The following ELOVL2 variants were observed in gnomAD, a reference collection of about 807,000 sequenced individuals.
ELOVL2 encodes very long chain fatty acid elongase 2.
Under a neutral mutation model 37.7 loss-of-function variants are expected in ELOVL2, and 38 were observed. That is an observed-to-expected ratio of 1.01 (90% CI 0.78 to 1.32). The LOEUF (loss-of-function observed/expected upper bound fraction) is 1.32, where lower values mean the gene tolerates loss of function less well. ELOVL2 is among the 40% of genes most tolerant of loss of function. The pLI, the probability that ELOVL2 is intolerant of heterozygous loss-of-function variation, is 0.00. For synonymous variants in ELOVL2, 115 were observed against 122.3 expected (o/e 0.94, Z 0.40); for missense variants, 352 against 363.6 (o/e 0.97, Z 0.26).
intron 1 of ELOVL2, among the ~76,000 whole-genome samples, chr6:11,023,334 T>C (rs1368802130): frequency 1.2e-4 from 18 of 152,230 alleles, no homozygotes; most frequent in Non-Finnish European, 5.9e-5. Context: ...GGAAGCAGGT[T>C]GGCTATTCTG....
intron 3 of ELOVL2, among the ~76,000 whole-genome samples, chr6:11,002,735 C>T (rs1782412034): frequency 6.6e-6 from 1 of 152,234 alleles, no homozygotes; most frequent in African/African-American, 2.4e-5. Context: ...TACTGTTCAA[C>T]TAGCACTTTA....
At chr6:11,006,589 C>T (rs990593249) in intron 2 of ELOVL2, among the ~76,000 whole-genome samples, 1 of 152,210 alleles carries the variant, frequency 6.6e-6, no homozygotes, top group African/African-American at 2.4e-5. Flanking sequence ...CTTTCTGGTG[C>T]ATCCTACCCT....
intron 2 of ELOVL2, among the ~76,000 whole-genome samples, chr6:11,009,209 A>T (rs1389485174): frequency 1.3e-5 from 2 of 152,218 alleles, no homozygotes; most frequent in Admixed American, 6.5e-5. Flanking sequence ...ACAAGGGTTG[A>T]AACAGAATGA....
chr6:10,983,785 T>C lies in ELOVL2; in HGVS notation c.887A>G (p.Gln296Arg). Residue 296 changes from glutamine (Q) to arginine (R), a missense_variant, in exon 8 of 8, where the codon CAA (glutamine) becomes CGA (arginine). Gln to Arg is a conservative substitution (Grantham distance 43, BLOSUM62 1). Transcript: ENST00000354666. Reference sequence around the variant, plus strand: ...TGCTTTTTCTGTTACTCATTTTTATTGTGCTTTCTTGTTCATCACTCCATT... The same window carrying C: ...TGCTTTTTCTGTTACTCATTTTTATCGTGCTTTCTTGTTCATCACTCCATT... ...AANGVMNKKA[Q>R] 6.2e-7 allele frequency: 1 copy of C among 1,603,428 alleles called. No homozygotes were observed. The highest frequency in any genetic ancestry group is 8.5e-7 in the Non-Finnish European group (1 of 1,176,994).
Position 11,044,156 on chromosome 6 carries a change from C to A in ELOVL2, c.3+72G>T. On this transcript the variant is annotated intron_variant, in intron 1 of 7. Coordinates refer to ENST00000354666, the MANE Select transcript of ELOVL2 (RefSeq NM_017770.4). This position sits in a 1 kb window ranked among gnomAD's most constrained non-coding sequence, Gnocchi z 5.6. ...CGCGCCGGCGCCCGCTCGGCCCTTTCCCGCCCGGTGCGTGGGTCCAGGAGA... is the reference window on the plus strand; with the variant it reads ...CGCGCCGGCGCCCGCTCGGCCCTTTACCGCCCGGTGCGTGGGTCCAGGAGA... The A allele has an allele frequency of 7.0e-7, 1 of 1,426,188 alleles. No individual in the cohort carries two copies. Among genetic ancestry groups the A allele is most frequent in the Non-Finnish European group, 9.2e-7 (1 of 1,085,884 alleles). The allele number at this position is 1,426,188 out of a possible 1,614,324, so 88.3% of individuals were successfully genotyped here. A position where few individuals can be genotyped will look rare whatever the true frequency, so the allele number is the denominator to read the frequency against.
intron 1 of ELOVL2, among the ~76,000 whole-genome samples, chr6:11,021,241 T>C (rs575341844): frequency 5.6e-4 from 86 of 152,226 alleles, no homozygotes; most frequent in Non-Finnish European, 8.7e-4. Flanking sequence ...CATGTGTTCT[T>C]CCCTCTGCCT....
At chr6:11,001,311 G>A (rs1782376279) in intron 3 of ELOVL2, among the ~76,000 whole-genome samples, 2 of 152,082 alleles carry the variant, frequency 1.3e-5, no homozygotes, top group Non-Finnish European at 1.5e-5. Context: ...ATATAAATAA[G>A]TCCAGTGAAA....
intron 1 of ELOVL2, among the ~76,000 whole-genome samples, chr6:11,036,126 A>T (rs1783001381): frequency 6.6e-6 from 1 of 152,250 alleles, no homozygotes; most frequent in Non-Finnish European, 1.5e-5. Context: ...TACTGATGAG[A>T]TTAGTGTTAC....
At chr6:11,007,604 C>G (rs1782501745) in intron 2 of ELOVL2, among the ~76,000 whole-genome samples, 1 of 152,198 alleles carries the variant, frequency 6.6e-6, no homozygotes, top group Admixed American at 6.5e-5. Flanking sequence ...GAATACATTT[C>G]TGCTATTTAA....
chr6:10,997,533 C>G (rs1488613196), intron 4 of ELOVL2, among the ~76,000 whole-genome samples: 1 of 152,156 alleles, frequency 6.6e-6, no homozygotes, highest in Non-Finnish European at 1.5e-5. Flanking sequence ...TAACAGTTCT[C>G]TTTGCTCCTC....
At chr6:10,996,185 C>G (rs1002609357) in intron 4 of ELOVL2, among the ~76,000 whole-genome samples, 4 of 152,196 alleles carry the variant, frequency 2.6e-5, no homozygotes, top group African/African-American at 9.6e-5. Context: ...AAATATCATG[C>G]TCTACTGTCT....
At chr6:11,035,934 C>A (rs1554113930) in intron 1 of ELOVL2, among the ~76,000 whole-genome samples, 1 of 152,004 alleles carries the variant, frequency 6.6e-6, no homozygotes, top group African/African-American at 2.4e-5. Context: ...TGTATCTAAT[C>A]AAAAAAATGA....
chr6:11,000,142 C>G lies in ELOVL2; in HGVS notation c.278G>C (p.Gly93Ala), dbSNP rs138252390. ...ATCTTGACACTGTAAGTTGTAGCCTCCTTCCCAAGTGGAGAGAATGAGCTG... is the reference window on the plus strand; with the variant it reads ...ATCTTGACACTGTAAGTTGTAGCCTGCTTCCCAAGTGGAGAGAATGAGCTG... ...LAELILSTWE[G>A]GYNLQCQDLT... Residue 93 changes from glycine (G) to alanine (A), a missense_variant, in exon 4 of 8, where the codon GGA becomes GCA. Physicochemically the swap from Gly to Ala is moderately conservative, Grantham distance 60. Transcript: ENST00000354666. 21 of 1,614,130 alleles carry G rather than the reference C, an allele frequency of 1.3e-5. No individual in the cohort carries two copies. In the African/African-American group the frequency reaches 2.0e-4, roughly 15 times the overall value.
At chr6:11,035,880 T>C (rs777589844) in intron 1 of ELOVL2, among the ~76,000 whole-genome samples, 1 of 152,230 alleles carries the variant, frequency 6.6e-6, no homozygotes. Context: ...ACACTGCCTC[T>C]AATTGAGCAG....
chr6:11,042,264 G>C (rs1439056349), intron 1 of ELOVL2, among the ~76,000 whole-genome samples: 2 of 152,086 alleles, frequency 1.3e-5, no homozygotes, highest in Non-Finnish European at 2.9e-5. Context: ...AGTGAGCCAA[G>C]ATTGCATCAC....
intron 3 of ELOVL2, among the ~76,000 whole-genome samples, chr6:11,004,698 T>A (rs1782449439): frequency 6.6e-6 from 1 of 152,186 alleles, no homozygotes; most frequent in South Asian, 2.1e-4. Context: ...GATGTTTAAG[T>A]TAATTTTTAA....
chr6:10,996,101 G>A (rs1288522340), intron 4 of ELOVL2, among the ~76,000 whole-genome samples: 1 of 149,434 alleles, frequency 6.7e-6, no homozygotes, highest in Non-Finnish European at 1.5e-5. Flanking sequence ...TTAGTTAAAG[G>A]CACTGTGTTT....
rs148722983 is a variant in ELOVL2, at chr6:11,011,723, GATTA to G, written c.4-918_4-915del. Among the ~76,000 whole-genome samples the G allele has an allele frequency of 7.9e-3, 1,199 of 152,228 alleles. 18 individuals carry two copies. The highest frequency in any genetic ancestry group is 0.027 in the African/African-American group (1,115 of 41,520). On this transcript the variant is annotated intron_variant, in intron 1 of 7. Coordinates refer to ENST00000354666, the MANE Select transcript of ELOVL2 (RefSeq NM_017770.4). ...TAAATAGTGCCACTTGGGTACACCC[GATTA>G]ATTATTGTCACTTTCACTGGATTCA...
chr6:10,990,765 T>C (rs1250750324), intron 5 of ELOVL2, among the ~76,000 whole-genome samples: 2 of 152,084 alleles, frequency 1.3e-5, no homozygotes, highest in Non-Finnish European at 2.9e-5. Context: ...AAAGAAATAC[T>C]AGCTTAAAGC....
Sources: allele counts gnomAD v4.1 joint callset (sites outside exome capture counted in the v4.1 genomes callset), GRCh38; gene constraint gnomAD v4.1.1; non-coding constraint Gnocchi (gnomAD v3.1); transcripts MANE v1.5; gene names NCBI Gene and HGNC (gene_info 2026-07-23, HGNC 2026-07-21).